The following CREBRF variants were observed in gnomAD, a reference collection of about 807,000 sequenced individuals.
CREBRF encodes the protein UPF0474 protein C5orf41.
CREBRF carries 5 observed loss-of-function variants against 66.1 expected under a neutral mutation model. The observed-to-expected ratio is 0.08, with a 90% CI of 0.04 to 0.16. The LOEUF (loss-of-function observed/expected upper bound fraction) is 0.16, where lower values mean the gene tolerates loss of function less well. Among genes scored for constraint, CREBRF ranks in the 10% least tolerant of loss-of-function variants. CREBRF has a pLI of 1.00. For synonymous variants in CREBRF, 229 were observed against 264.4 expected (o/e 0.87, Z 1.30); for missense variants, 531 against 744.9 (o/e 0.71, Z 3.34).
At chr5:173,114,894 A>T (rs1018515527) in intron 7 of CREBRF, among the ~76,000 whole-genome samples, 7 of 152,172 alleles carry the variant, frequency 4.6e-5, no homozygotes, top group Non-Finnish European at 1.0e-4. Flanking sequence ...GCATCAGAGG[A>T]GGAGGATCTG....
intron 4 of CREBRF, among the ~76,000 whole-genome samples, chr5:173,107,608 AGTG>A (rs1758777510): frequency 6.6e-6 from 1 of 152,188 alleles, no homozygotes; most frequent in Non-Finnish European, 1.5e-5. Context: ...TTCCAAAAGA[AGTG>A]GTGTGACAGG....
At chr5:173,071,589 C>T (rs1757601010) in intron 1 of CREBRF, among the ~76,000 whole-genome samples, 1 of 152,060 alleles carries the variant, frequency 6.6e-6, no homozygotes, top group African/African-American at 2.4e-5. Context: ...AGTGATCCTC[C>T]TGCCTCAGCC....
rs371512788 is a variant in CREBRF, at chr5:173,131,820, C to A, written c.1805-1810C>A. ...CAATCTCAGCTCACTGCAACCTCTG[C>A]CTCCTAGGTTCAAGTGGTTCTCCTA... is the stretch of plus-strand genomic sequence containing the variant. On this transcript the variant is annotated intron_variant, in intron 8 of 8. Coordinates refer to ENST00000296953, the MANE Select transcript of CREBRF (RefSeq NM_153607.3). Among the ~76,000 whole-genome samples the A allele has an allele frequency of 3.9e-5, 6 of 152,066 alleles. No homozygotes were observed. The East Asian group carries it at 5.8e-4, about 15-fold the overall frequency.
At chr5:173,070,677 A>G (rs568033507) in intron 1 of CREBRF, among the ~76,000 whole-genome samples, 1 of 152,258 alleles carries the variant, frequency 6.6e-6, no homozygotes, top group South Asian at 2.1e-4. Flanking sequence ...CTTCTTGGAA[A>G]TTAAAAAAAA....
intron 1 of CREBRF, among the ~76,000 whole-genome samples, chr5:173,073,345 G>GT (rs1267152331): frequency 4.6e-5 from 7 of 152,214 alleles, no homozygotes; most frequent in African/African-American, 1.7e-4. Context: ...TTACCTAGAT[G>GT]TTTTATCAAA....
intron 7 of CREBRF, among the ~76,000 whole-genome samples, chr5:173,113,815 C>G (rs1758923902): frequency 6.6e-6 from 1 of 152,154 alleles, no homozygotes; most frequent in Non-Finnish European, 1.5e-5. Context: ...ATCTAGAACC[C>G]TTTTACAGCA....
intron 1 of CREBRF, among the ~76,000 whole-genome samples, chr5:173,056,814 CCTT>C (rs1190480972): frequency 6.6e-6 from 1 of 151,892 alleles, no homozygotes; most frequent in Non-Finnish European, 1.5e-5. Context: ...GCCGCCCGGC[CCTT>C]CCCCGCTGCC....
chr5:173,102,708 G>T (rs1310893911), intron 4 of CREBRF, among the ~76,000 whole-genome samples: 15 of 152,062 alleles, frequency 9.9e-5, no homozygotes, highest in Non-Finnish European at 7.4e-5. Flanking sequence ...AGCGTGGCAT[G>T]GGGGTCTCTT....
intron 8 of CREBRF, among the ~76,000 whole-genome samples, chr5:173,124,817 T>G (rs1278736907): frequency 6.6e-6 from 1 of 152,060 alleles, no homozygotes; most frequent in Non-Finnish European, 1.5e-5. Flanking sequence ...GTAGGGACTC[T>G]TATTATCTAT....
rs1329111645 is a variant in CREBRF at position 173,134,022 on chromosome 5, G to C, written c.*277G>C. The C allele has an allele frequency of 5.1e-6, 1 of 195,284 alleles. No homozygotes were observed. The highest frequency in any genetic ancestry group is 1.0e-5 in the Non-Finnish European group (1 of 96,450). 12.1% of individuals were successfully genotyped at this position (195,284 alleles called of 1,614,324 possible). On this transcript the variant is annotated 3_prime_UTR_variant, in exon 9 of 9. Coordinates refer to ENST00000296953, the MANE Select transcript of CREBRF (RefSeq NM_153607.3). ...GTACAGATTACAAAAATCTGTTAAA[G>C]CAAAACATTTTGGAGGAGTGAAATA...
At chr5:173,129,467 A>G (rs1010789334) in intron 8 of CREBRF, among the ~76,000 whole-genome samples, 1 of 152,084 alleles carries the variant, frequency 6.6e-6, no homozygotes, top group African/African-American at 2.4e-5. Context: ...TACAGCTATA[A>G]TCTCAACATT....
chr5:173,110,489 A>G, intron 5 of CREBRF, 33 bp from the exon 6 acceptor site: 1 of 1,502,706 alleles, frequency 6.7e-7, no homozygotes, highest in Non-Finnish European at 9.3e-7. Flanking sequence ...AATTAAAGTG[A>G]TCTGACTTAA....
rs780723745 is a variant in CREBRF, at chr5:173,059,256, C to CTTTTTTTTTTTTTTTTTTT, written c.-192+2785_-192+2786insTTTTTTTTTTTTTTTTTTT. Reference sequence around the variant, plus strand: ...AGCTTATTTATCAGTTCTTCTTTTTCTTTTTTTTCTTTTTTTTTTTTTTTT... The same window carrying CTTTTTTTTTTTTTTTTTTT: ...AGCTTATTTATCAGTTCTTCTTTTTCTTTTTTTTTTTTTTTTTTTTTTTTTTTCTTTTTTTTTTTTTTTT... On this transcript the variant is annotated intron_variant, in intron 1 of 8. Transcript: ENST00000296953. Among the ~76,000 whole-genome samples the CTTTTTTTTTTTTTTTTTTT allele has an allele frequency of 5.1e-5, 6 of 117,644 alleles. 1 individual carries two copies. The highest frequency in any genetic ancestry group is 8.8e-5 in the Non-Finnish European group (5 of 56,984). 77.2% of individuals were successfully genotyped at this position (117,644 alleles called of 152,430 possible). A position where few individuals can be genotyped will look rare whatever the true frequency, so the allele number is the denominator to read the frequency against.
chr5:173,104,034 G>A (rs987629489), intron 4 of CREBRF, among the ~76,000 whole-genome samples: 2 of 152,158 alleles, frequency 1.3e-5, no homozygotes, highest in East Asian at 1.9e-4. Context: ...AAAATTTTGA[G>A]TGCCTACTTT....
rs1304533216 is a variant in CREBRF at position 173,133,616 on chromosome 5, ATTC to A, written c.1805-9_1805-7del. 6 of 1,509,360 alleles carry A rather than the reference ATTC, an allele frequency of 4.0e-6. No homozygotes were observed. The highest frequency in any genetic ancestry group is 2.8e-5 in the African/African-American group (2 of 72,344). 93.5% of individuals were successfully genotyped at this position (1,509,360 alleles called of 1,614,324 possible). A position where few individuals can be genotyped will look rare whatever the true frequency, so the allele number is the denominator to read the frequency against. ...ATTTTTGTGTCTAGATGTGCCTTTT[ATTC>A]TTCTCTTCAGGTCTACCAGTTGCTG... On this transcript the variant is annotated splice_polypyrimidine_tract_variant and intron_variant, in intron 8 of 8. Coordinates refer to ENST00000296953, the MANE Select transcript of CREBRF (RefSeq NM_153607.3).
In CREBRF at chr5:173,108,625, C is replaced by T. The variant is rs1758802623; in HGVS notation, c.1224C>T (p.Gly408=). The T allele has an allele frequency of 6.2e-7, 1 of 1,600,674 alleles. No individual in the cohort carries two copies. Among genetic ancestry groups the T allele is most frequent in the Non-Finnish European group, 8.5e-7 (1 of 1,176,496 alleles). The change falls in exon 5 of 9, where the codon GGC becomes GGT. Residue 408 remains glycine (G), a splice_region_variant and synonymous_variant. Coordinates refer to ENST00000296953, the MANE Select transcript of CREBRF (RefSeq NM_153607.3). ...DDISDTFSEP[G]YENDSVEDLK... ...AAAATTGCGGGACCTTTTTTTAAGG[C>T]TATGAAAATGATTCTGTAGAAGACC...
chr5:173,089,088 G>T (rs1758249697), intron 3 of CREBRF, among the ~76,000 whole-genome samples: 1 of 149,538 alleles, frequency 6.7e-6, no homozygotes, highest in Middle Eastern at 3.4e-3. Flanking sequence ...CTGAGGCAGA[G>T]AATTTCTTAA....
At chr5:173,057,152 A>G (rs1246886696) in intron 1 of CREBRF, among the ~76,000 whole-genome samples, 4 of 151,626 alleles carry the variant, frequency 2.6e-5, no homozygotes, top group African/African-American at 9.7e-5. Flanking sequence ...TGAGGGGCGG[A>G]GCCCTCAGAG....
rs759644003 is a variant in CREBRF at position 173,090,357 on chromosome 5, C to A, written c.178C>A (p.Leu60Ile). 6.2e-7 allele frequency: 1 copy of A among 1,605,344 alleles called. No homozygotes were observed. Among genetic ancestry groups the A allele is most frequent in the Non-Finnish European group, 8.5e-7 (1 of 1,172,538 alleles). ...CCAACAGAATCCTAGAGACAACTTT[C>A]TTTCTTTGGAGGACTGCAAAGACAT... ...NYQQNPRDNFLSLEDCKDIEN... is the reference protein window; with the variant it reads ...NYQQNPRDNFISLEDCKDIEN... Residue 60 changes from leucine (L) to isoleucine (I), a missense_variant, in exon 4 of 9, where the codon CTT (leucine) becomes ATT (isoleucine). This residue lies in a region of CREBRF where 133 missense variants were observed against 215.6 expected (regional missense o/e 0.62). Coordinates refer to ENST00000296953, the MANE Select transcript of CREBRF (RefSeq NM_153607.3). This position sits in a 1 kb window ranked among gnomAD's most constrained non-coding sequence, Gnocchi z 4.5.
Sources: gnomAD v4.1 joint callset for allele counts (sites outside exome capture counted in the v4.1 genomes callset) on GRCh38, gnomAD v4.1.1 for gene constraint, gnomAD v4.1.1 regional missense constraint, Gnocchi (gnomAD v3.1) non-coding constraint, MANE v1.5 for transcripts, NCBI Gene and HGNC (gene_info 2026-07-23, HGNC 2026-07-21) for gene names.